CHD5: variants seen among roughly 807,000 people sequenced by gnomAD.
The protein encoded by CHD5 is chromodomain helicase DNA binding protein 5.
CHD5 carries 69 observed loss-of-function variants against 230.3 expected under a neutral mutation model. The ratio of observed to expected loss-of-function variants is 0.30; its 90% CI spans 0.25 to 0.37. The LOEUF (loss-of-function observed/expected upper bound fraction) is 0.37, where lower values mean the gene tolerates loss of function less well. CHD5 is among the 10% of genes least tolerant of loss of function. CHD5 has a pLI of 1.00. For missense variants in CHD5, 1,827 were observed against 2,622.8 expected, an observed-to-expected ratio of 0.70 and a Z score of 6.63; for synonymous variants, 1,064 against 1,065.9, an observed-to-expected ratio of 1.00 and a Z score of 0.03.
intron 33 of CHD5, chr1:6,113,362 T>C (rs1197872537): frequency 1.4e-5 from 6 of 433,906 alleles, no homozygotes; most frequent in Non-Finnish European, 2.3e-5. Context: ...AGATAAAGGC[T>C]CCCATGAGCC....
Position 6,104,384 on chromosome 1 carries a change from G to C in CHD5, c.*1090C>G, listed in dbSNP as rs373240499. ...GTGCAGCCTCAGGCAAAAAGCCCCC[G>C]GGAAGGCCTTTCCAGGGACAGGGGA... On this transcript the variant is annotated 3_prime_UTR_variant, in exon 42 of 42. Transcript: ENST00000262450. The C allele has an allele frequency of 1.3e-5, 2 of 152,364 alleles. No homozygotes were observed. The highest frequency in any genetic ancestry group is 4.1e-4 in the South Asian group (2 of 4,836). 9.4% of individuals were successfully genotyped at this position (152,364 alleles called of 1,614,324 possible). A position where few individuals can be genotyped will look rare whatever the true frequency, so the allele number is the denominator to read the frequency against.
intron 13 of CHD5, among the ~76,000 whole-genome samples, chr1:6,143,499 C>G (rs1666862236): frequency 6.6e-6 from 1 of 152,180 alleles, no homozygotes; most frequent in South Asian, 2.1e-4. Context: ...AGTGTGTCTT[C>G]TGAAACAGCT....
chr1:6,178,953 G>A (rs1234407337), intron 1 of CHD5, among the ~76,000 whole-genome samples: 4 of 152,104 alleles, frequency 2.6e-5, no homozygotes, highest in African/African-American at 7.2e-5. Context: ...GTCCAGAGAG[G>A]CCACAGACTT....
At chr1:6,175,174 GGGTGGATGAATGAGT>G (rs1667404895) in intron 1 of CHD5, among the ~76,000 whole-genome samples, 1 of 145,910 alleles carries the variant, frequency 6.9e-6, no homozygotes, top group African/African-American at 2.5e-5. Context: ...GGCGGATGGT[GGGTGGATGAATGAGT>G]GGTGGATGAA....
chr1:6,168,099 A>T (rs754325236), intron 2 of CHD5, 51 bp downstream of exon 2: 38 of 1,556,412 alleles, frequency 2.4e-5, no homozygotes, highest in Non-Finnish European at 3.1e-5. Flanking sequence ...GGGCAGATGC[A>T]GCCACAACCC....
Position 6,129,670 on chromosome 1 carries a change from G to A in CHD5, c.3387+534C>T, listed in dbSNP as rs966362560. Among the ~76,000 whole-genome samples, 1 of 152,138 alleles carries A rather than the reference G, an allele frequency of 6.6e-6. No homozygotes were observed. The highest frequency in any genetic ancestry group is 1.5e-5 in the Non-Finnish European group (1 of 68,002). ...CCCTACATTTGTAAGCATTCAATGT[G>A]TGTGTCCCAGCGCCCGAGAGGGGTG... On this transcript the variant is annotated intron_variant, in intron 22 of 41. Coordinates refer to ENST00000262450, the MANE Select transcript of CHD5 (RefSeq NM_015557.3). The surrounding 1 kb of genome is among the most constrained non-coding windows in gnomAD (Gnocchi z 6.8).
intron 9 of CHD5, 83 bp downstream of exon 9, chr1:6,148,771 A>C (rs1224881993): frequency 9.2e-7 from 1 of 1,082,798 alleles, no homozygotes; most frequent in South Asian, 2.4e-5. Context: ...GGGCCTTTTG[A>C]GGAGGGCAGG....
chr1:6,111,651 C>T (rs920566388), intron 36 of CHD5, 124 bp downstream of exon 36: 32 of 736,086 alleles, frequency 4.3e-5, no homozygotes, highest in Non-Finnish European at 6.0e-5. Flanking sequence ...TTCTAGCCAC[C>T]GCCAGAAGTG....
chr1:6,112,195 C>T lies in CHD5; in HGVS notation c.5085G>A (p.Glu1695=), dbSNP rs763927615. Residue 1695 remains glutamate (E), a synonymous_variant, in exon 35 of 42, where the codon GAG becomes GAA. Transcript: ENST00000262450. ...DKEEDDEGKK[E]DKKGKFKFMF... is the part of the protein sequence containing the mutation. ...TGAACTTGAATTTCCCCTTCTTGTC[C>T]TCCTTCTTCCCCTCGTCATCTTCCT... 8.7e-6 allele frequency: 14 copies of T among 1,614,150 alleles called. No individual in the cohort carries two copies. The highest frequency in any genetic ancestry group is 1.3e-5 in the African/African-American group (1 of 75,036).
At chr1:6,117,898 G>A (rs183402965) in intron 33 of CHD5, among the ~76,000 whole-genome samples, 1 of 152,110 alleles carries the variant, frequency 6.6e-6, no homozygotes, top group Non-Finnish European at 1.5e-5. Context: ...AAATGGTACA[G>A]AGAATTACCA....
rs1272578108 is a variant in CHD5, at chr1:6,146,287, G to A, written c.1727C>T (p.Ala576Val). Reference protein sequence around the residue: ...EKRKNKDPLYAKMEERFYRYG... With the variant: ...EKRKNKDPLYVKMEERFYRYG... ...GCGGTAGAAGCGCTCCTCCATCTTGGCATAGAGGGGGTCCTTGTTCTTCCT... is the reference window on the plus strand; with the variant it reads ...GCGGTAGAAGCGCTCCTCCATCTTGACATAGAGGGGGTCCTTGTTCTTCCT... Residue 576 changes from alanine to valine, a missense_variant, in exon 11 of 42, where the codon GCC becomes GTC. Physicochemically the swap from Ala to Val is moderately conservative, Grantham distance 64. Coordinates refer to ENST00000262450, the MANE Select transcript of CHD5 (RefSeq NM_015557.3). This position sits in a 1 kb window ranked among gnomAD's most constrained non-coding sequence, Gnocchi z 5.1. The A allele has an allele frequency of 6.2e-7, 1 of 1,614,068 alleles. No individual in the cohort carries two copies. The highest frequency in any genetic ancestry group is 2.2e-5 in the East Asian group (1 of 44,898).
chr1:6,173,804 A>G (rs937915665), intron 1 of CHD5, among the ~76,000 whole-genome samples: 1 of 152,176 alleles, frequency 6.6e-6, no homozygotes, highest in Non-Finnish European at 1.5e-5. Flanking sequence ...CTGGCCAAGG[A>G]GTTCTCAGGC....
chr1:6,159,881 C>T (rs189541349), intron 2 of CHD5, among the ~76,000 whole-genome samples: 90 of 152,398 alleles, frequency 5.9e-4, no homozygotes, highest in Middle Eastern at 3.4e-3. Context: ...CATTGGGCTT[C>T]TATGGACTTT....
chr1:6,134,521 G>GT lies in CHD5; in HGVS notation c.3012+196dup, dbSNP rs1254457483. Reference sequence around the variant, plus strand: ...CCCTACCACAGCAGCGGGTTCCACGGTAAGTTCCCCAGCACCTACCAGAGT... The same window carrying GT: ...CCCTACCACAGCAGCGGGTTCCACGGTTAAGTTCCCCAGCACCTACCAGAGT... On this transcript the variant is annotated intron_variant, in intron 19 of 41. Coordinates refer to ENST00000262450, the MANE Select transcript of CHD5 (RefSeq NM_015557.3). This position sits in a 1 kb window ranked among gnomAD's most constrained non-coding sequence, Gnocchi z 6.3. Among the ~76,000 whole-genome samples the GT allele has an allele frequency of 6.6e-6, 1 of 152,186 alleles. No homozygotes were observed. Among genetic ancestry groups the GT allele is most frequent in the African/African-American group, 2.4e-5 (1 of 41,452 alleles).
At chr1:6,135,193 C>T (rs546176685) in intron 18 of CHD5, 37 bp downstream of exon 18, 38 of 1,612,216 alleles carry the variant, frequency 2.4e-5, no homozygotes, top group South Asian at 2.0e-4. Flanking sequence ...GGGGAAAGGG[C>T]GAGCACAGGC....
Position 6,152,463 on chromosome 1 carries a change from C to G in CHD5, c.819G>C (p.Gly273=). 1 of 1,614,182 alleles carries G rather than the reference C, an allele frequency of 6.2e-7. No individual in the cohort carries two copies. The highest frequency in any genetic ancestry group is 8.5e-7 in the Non-Finnish European group (1 of 1,180,036). ...KKKGKGKKTA[G]LKFRFGGISN... ...TGATCCCCCCGAAGCGGAACTTGAGCCCGGCCGTCTTTTTCCCTTTGCCCT... is the reference window on the plus strand; with the variant it reads ...TGATCCCCCCGAAGCGGAACTTGAGGCCGGCCGTCTTTTTCCCTTTGCCCT... Residue 273 remains glycine, a synonymous_variant, in exon 6 of 42, where the codon GGG becomes GGC. Transcript: ENST00000262450.
At chr1:6,173,319 T>C (rs1224412224) in intron 1 of CHD5, among the ~76,000 whole-genome samples, 2 of 151,966 alleles carry the variant, frequency 1.3e-5, no homozygotes, top group African/African-American at 4.8e-5. Context: ...TTAGCCAGGA[T>C]GGTCTCGATC....
chr1:6,120,588 G>A (rs867988097), intron 33 of CHD5, among the ~76,000 whole-genome samples: 11 of 151,970 alleles, frequency 7.2e-5, no homozygotes, highest in African/African-American at 2.7e-4. Context: ...CGGATCACGA[G>A]GTCAAGAGAT....
chr1:6,128,740 G>A lies in CHD5; in HGVS notation c.3619+98C>T, dbSNP rs929754224. ...AGGTGGGGGGTGCAGAAGAGAGGCT[G>A]TGTGTTGGAGCGGGCAGGGACCCAA... On this transcript the variant is annotated intron_variant, in intron 23 of 41. Coordinates refer to ENST00000262450, the MANE Select transcript of CHD5 (RefSeq NM_015557.3). This position sits in a 1 kb window ranked among gnomAD's most constrained non-coding sequence, Gnocchi z 7.8. 3.1e-5 allele frequency: 40 copies of A among 1,269,892 alleles called. 1 individual carries two copies. In the South Asian group the frequency reaches 4.9e-4, roughly 16 times the overall value. The allele number at this position is 1,269,892 out of a possible 1,614,324, so 78.7% of individuals were successfully genotyped here. A position where few individuals can be genotyped will look rare whatever the true frequency, so the allele number is the denominator to read the frequency against.
Sources: gnomAD v4.1 joint callset for allele counts (sites outside exome capture counted in the v4.1 genomes callset) on GRCh38, gnomAD v4.1.1 for gene constraint, Gnocchi (gnomAD v3.1) non-coding constraint, MANE v1.5 for transcripts, NCBI Gene and HGNC (gene_info 2026-07-23, HGNC 2026-07-21) for gene names.